DNAH14: variants seen among roughly 807,000 people sequenced by gnomAD.
DNAH14 encodes the protein axonemal beta dynein heavy chain 14.
Under a neutral mutation model 520.9 loss-of-function variants are expected in DNAH14, and 478 were observed. The ratio of observed to expected loss-of-function variants is 0.92; its 90% CI spans 0.85 to 0.99. The LOEUF (loss-of-function observed/expected upper bound fraction) is 0.99. Ranked by LOEUF, DNAH14 falls within the 50% of genes least tolerant of loss-of-function variation. The probability of loss-of-function intolerance (pLI) is 0.00; values close to 1 mark genes in which losing one functional copy is unlikely to be tolerated. For missense variants in DNAH14, 4,831 were observed against 5,234.5 expected (o/e 0.92, Z 2.38); for synonymous variants, 1,581 against 1,757.2 (o/e 0.90, Z 2.51).
chr1:225,337,806 T>C (rs1176809872), intron 67 of DNAH14, among the ~76,000 whole-genome samples: 1 of 152,224 alleles, frequency 6.6e-6, no homozygotes. Context: ...CAATGTGTAA[T>C]AATCACATCA....
At chr1:225,255,317 CA>C (rs751237866) in intron 44 of DNAH14, among the ~76,000 whole-genome samples, 3 of 152,174 alleles carry the variant, frequency 2.0e-5, no homozygotes, top group Non-Finnish European at 4.4e-5. Context: ...TAAAGAATTA[CA>C]TGTGATTTTG....
Position 225,335,551 on chromosome 1 carries a change from A to ACATATATACATATGTACATCTATATACG in DNAH14, c.10081-1710_10081-1709insATACATATGTACATCTATATACGCATAT, listed in dbSNP as rs1553335976. 3.9e-5 allele frequency among the ~76,000 whole-genome samples: 4 copies of ACATATATACATATGTACATCTATATACG among 102,794 alleles called. 1 individual carries two copies. The highest frequency in any genetic ancestry group is 6.1e-5 in the Non-Finnish European group (3 of 49,168). The allele number at this position is 102,794 out of a possible 152,430, so 67.4% of individuals were successfully genotyped here. On this transcript the variant is annotated intron_variant, in intron 66 of 85. Transcript: ENST00000682510. Reference sequence around the variant, plus strand: ...TACATATGTACATATATACGTATATACATATGTACATCTATGTATATACGC... The same window carrying ACATATATACATATGTACATCTATATACG: ...TACATATGTACATATATACGTATATACATATATACATATGTACATCTATATACGCATATGTACATCTATGTATATACGC...
chr1:225,045,915 C>G (rs558470158), intron 15 of DNAH14, among the ~76,000 whole-genome samples: 38 of 152,046 alleles, frequency 2.5e-4, no homozygotes, highest in Non-Finnish European at 4.1e-4. Flanking sequence ...TAACATTTAT[C>G]AGTGGATCTT....
At chr1:225,005,025 T>C (rs1372673565) in intron 9 of DNAH14, among the ~76,000 whole-genome samples, 1 of 152,198 alleles carries the variant, frequency 6.6e-6, no homozygotes, top group African/African-American at 2.4e-5. Flanking sequence ...TGTTTTTGTA[T>C]TACCAGAGAT....
chr1:224,963,400 T>C (rs2060964226), intron 4 of DNAH14, among the ~76,000 whole-genome samples: 1 of 152,138 alleles, frequency 6.6e-6, no homozygotes, highest in Non-Finnish European at 1.5e-5. Flanking sequence ...TTCTATAATT[T>C]GTTTTTCCAC....
At chr1:225,209,173 C>T (rs1573999949) in intron 41 of DNAH14, among the ~76,000 whole-genome samples, 6 of 151,868 alleles carry the variant, frequency 4.0e-5, no homozygotes, top group Admixed American at 3.9e-4. Flanking sequence ...AATTGAATAC[C>T]AGATATTGTG....
At chr1:225,118,224 A>C (rs1186562281) in intron 25 of DNAH14, 18 of 558,908 alleles carry the variant, frequency 3.2e-5, no homozygotes, top group Non-Finnish European at 3.2e-6. Flanking sequence ...TCCTGGGTGC[A>C]TTCTAATTTG....
At position 225,023,611 on chromosome 1, in the gene DNAH14, G is replaced by C; in HGVS notation, c.1108-4G>C. ...TTGTTTCTCAATTGTTTTTTAAATT[G>C]TAGGTTGCAGAAAAGAATGAAATCA... On this transcript the variant is annotated splice_polypyrimidine_tract_variant and splice_region_variant and intron_variant, in intron 10 of 85. Coordinates refer to ENST00000682510, the MANE Select transcript of DNAH14 (RefSeq NM_001367479.1). 6.6e-7 allele frequency: 1 copy of C among 1,503,964 alleles called. No homozygotes were observed. Among genetic ancestry groups the C allele is most frequent in the Non-Finnish European group, 8.9e-7 (1 of 1,120,898 alleles). 93.2% of individuals were successfully genotyped at this position (1,503,964 alleles called of 1,614,324 possible).
chr1:225,204,340 T>A (rs2087255317), intron 39 of DNAH14, 67 bp downstream of exon 39: 1 of 899,912 alleles, frequency 1.1e-6, no homozygotes, highest in South Asian at 1.8e-5. Context: ...ATATGAGCTA[T>A]ATTTATATGT....
chr1:225,240,034 A>G (rs1219118764), intron 42 of DNAH14, among the ~76,000 whole-genome samples: 2 of 152,196 alleles, frequency 1.3e-5, no homozygotes, highest in Non-Finnish European at 2.9e-5. Context: ...CTCTCTCCAG[A>G]TTCAGACTGC....
At chr1:225,202,660 T>C (rs551347860) in intron 38 of DNAH14, among the ~76,000 whole-genome samples, 1 of 152,316 alleles carries the variant, frequency 6.6e-6, no homozygotes, top group African/African-American at 2.4e-5. Flanking sequence ...CCTCCGCCTA[T>C]GGAGTCTGCA....
rs1301747292 is a variant in DNAH14 at position 225,119,278 on chromosome 1, T to C, written c.4150T>C (p.Phe1384Leu). 1 of 1,523,044 alleles carries C rather than the reference T, an allele frequency of 6.6e-7. No individual in the cohort carries two copies. The highest frequency in any genetic ancestry group is 8.8e-7 in the Non-Finnish European group (1 of 1,133,244). The allele number at this position is 1,523,044 out of a possible 1,614,324, so 94.3% of individuals were successfully genotyped here. A position where few individuals can be genotyped will look rare whatever the true frequency, so the allele number is the denominator to read the frequency against. ...GCTGGTAAATGTAGAAAAAAGCATG[T>C]TCGATGTGCTAAAAAAGTAAGTACA... ...QWLVNVEKSMFDVLKKFLSQG... is the reference protein window; with the variant it reads ...QWLVNVEKSMLDVLKKFLSQG... Residue 1384 changes from phenylalanine (F) to leucine (L), a missense_variant, in exon 26 of 86, where the codon TTC (phenylalanine) becomes CTC (leucine). Phe to Leu is a conservative substitution (Grantham distance 22). Transcript: ENST00000682510.
At chr1:225,182,715 C>A (rs1460626372) in intron 36 of DNAH14, among the ~76,000 whole-genome samples, 1 of 152,086 alleles carries the variant, frequency 6.6e-6, no homozygotes, top group East Asian at 1.9e-4. Flanking sequence ...GGCCCTGCCA[C>A]GATAAAAGAC....
chr1:225,166,537 T>C (rs1022107871), intron 35 of DNAH14, among the ~76,000 whole-genome samples: 1 of 152,244 alleles, frequency 6.6e-6, no homozygotes, highest in Non-Finnish European at 1.5e-5. Context: ...GTTGCATTTT[T>C]GATGGCTTAC....
chr1:225,383,472 C>A (rs1056364222), intron 81 of DNAH14, among the ~76,000 whole-genome samples: 3 of 152,178 alleles, frequency 2.0e-5, no homozygotes, highest in Non-Finnish European at 4.4e-5. Context: ...GGACTCCACA[C>A]GTGCAAAGTT....
intron 64 of DNAH14, among the ~76,000 whole-genome samples, chr1:225,330,022 A>G (rs1003087455): frequency 6.6e-6 from 1 of 152,228 alleles, no homozygotes; most frequent in African/African-American, 2.4e-5. Context: ...AAAAGAAGAC[A>G]TACCAATGGC....
At chr1:224,935,397 T>C (rs2058964837) in intron 1 of DNAH14, among the ~76,000 whole-genome samples, 1 of 151,862 alleles carries the variant, frequency 6.6e-6, no homozygotes, top group Non-Finnish European at 1.5e-5. Flanking sequence ...GAAAAAGATA[T>C]TCCATGCAAA....
chr1:225,352,268 CAT>C (rs2150478615), intron 72 of DNAH14, among the ~76,000 whole-genome samples: 1 of 152,182 alleles, frequency 6.6e-6, no homozygotes, highest in African/African-American at 2.4e-5. Context: ...ATTTTTAGCA[CAT>C]CTTTTGCTTT....
rs1255022985 is a variant in DNAH14, at chr1:225,051,777, G to A, written c.2406G>A (p.Lys802=). ...HTLIQSVIEK[K]NKNLLEVVES... ...TCATACAATCTGTAATTGAAAAAAA[G>A]AACAAAAATTTATTGGAAGTAAGTA... The change falls in exon 17 of 86, where the codon AAG becomes AAA. Residue 802 remains lysine (K), a synonymous_variant. Transcript: ENST00000682510. 6.7e-7 allele frequency: 1 copy of A among 1,491,368 alleles called. No homozygotes were observed. Among genetic ancestry groups the A allele is most frequent in the East Asian group, 2.5e-5 (1 of 39,824 alleles). The allele number at this position is 1,491,368 out of a possible 1,614,324, so 92.4% of individuals were successfully genotyped here.
Sources: gnomAD v4.1 joint callset for allele counts (sites outside exome capture counted in the v4.1 genomes callset) on GRCh38, gnomAD v4.1.1 for gene constraint, MANE v1.5 for transcripts, NCBI Gene and HGNC (gene_info 2026-07-23, HGNC 2026-07-21) for gene names.